PROX1: variants seen among roughly 807,000 people sequenced by gnomAD.
PROX1 encodes prospero homeobox protein 1.
A neutral mutation model predicts 58.8 loss-of-function variants in PROX1; 7 were observed. That is an observed-to-expected ratio of 0.12 (90% CI 0.07 to 0.22). The LOEUF (loss-of-function observed/expected upper bound fraction) is 0.22. Among genes scored for constraint, PROX1 ranks in the 10% least tolerant of loss-of-function variants. PROX1 has a pLI of 1.00. For missense variants in PROX1, 675 were observed against 927.8 expected, an observed-to-expected ratio of 0.73 and a Z score of 3.54; for synonymous variants, 350 against 358.3, an observed-to-expected ratio of 0.98 and a Z score of 0.26.
rs182262846 is a variant in PROX1 at position 214,011,765 on chromosome 1, A to C, written c.2028+50A>C. ...GTCATCTCCCTTTTCCTTTTTTAAA[A>C]AATTTATTTTCTTTAGAAATGTACC... On this transcript the variant is annotated intron_variant, in intron 4 of 4. Coordinates refer to ENST00000366958, the MANE Select transcript of PROX1 (RefSeq NM_001270616.2). The C allele has an allele frequency of 3.4e-5, 50 of 1,460,912 alleles. No individual in the cohort carries two copies. In the East Asian group the frequency reaches 1.2e-3, roughly 34 times the overall value. 90.5% of individuals were successfully genotyped at this position (1,460,912 alleles called of 1,614,324 possible).
chr1:214,021,052 G>A (rs536584684), intron 4 of PROX1, among the ~76,000 whole-genome samples: 6 of 152,304 alleles, frequency 3.9e-5, no homozygotes, highest in Admixed American at 6.5e-5. Flanking sequence ...GTCAGATCAG[G>A]CGGGTGGGCT....
intron 2 of PROX1, among the ~76,000 whole-genome samples, chr1:214,002,366 T>C (rs1266964122): frequency 6.6e-6 from 1 of 152,068 alleles, no homozygotes; most frequent in Non-Finnish European, 1.5e-5. Flanking sequence ...CAGATGTCTT[T>C]CATTAATTTA....
intron 4 of PROX1, among the ~76,000 whole-genome samples, chr1:214,015,284 A>AG (rs1414670122): frequency 6.6e-6 from 1 of 151,922 alleles, no homozygotes; most frequent in African/African-American, 2.4e-5. Flanking sequence ...CACGCAGGAG[A>AG]GGGGTGTGTA....
intron 4 of PROX1, among the ~76,000 whole-genome samples, chr1:214,032,260 C>T (rs770519235): frequency 4.6e-5 from 7 of 152,288 alleles, no homozygotes; most frequent in Non-Finnish European, 1.0e-4. Context: ...AGACACCTTA[C>T]CTCACAGTAA....
At chr1:214,001,473 AG>A (rs1663508612) in intron 2 of PROX1, among the ~76,000 whole-genome samples, 1 of 152,204 alleles carries the variant, frequency 6.6e-6, no homozygotes, top group Non-Finnish European at 1.5e-5. Context: ...AAAATAGCCT[AG>A]TTTAGGCCCC....
chr1:214,005,409 C>A (rs1663672366), intron 3 of PROX1, 137 bp downstream of exon 3: 3 of 685,544 alleles, frequency 4.4e-6, no homozygotes, highest in Non-Finnish European at 7.2e-6. Context: ...ATGCACTTGT[C>A]TTTTTGTCTA....
chr1:214,030,862 T>G (rs1043375678), intron 4 of PROX1: 4 of 152,408 alleles, frequency 2.6e-5, no homozygotes, highest in Admixed American at 1.3e-4. Context: ...GCCTGCTATG[T>G]CAGGCTTTTA....
At chr1:214,023,172 T>C (rs1664340128) in intron 4 of PROX1, among the ~76,000 whole-genome samples, 1 of 152,234 alleles carries the variant, frequency 6.6e-6, no homozygotes, top group African/African-American at 2.4e-5. Flanking sequence ...TTTGTTGCCT[T>C]GGCCAGGGTG....
Position 213,997,847 on chromosome 1 carries a change from G to C in PROX1, c.1312G>C (p.Ala438Pro). The C allele has an allele frequency of 6.2e-7, 1 of 1,614,044 alleles. No homozygotes were observed. Among genetic ancestry groups the C allele is most frequent in the Non-Finnish European group, 8.5e-7 (1 of 1,179,940 alleles). The change falls in exon 2 of 5, where the codon GCA becomes CCA. Residue 438 changes from alanine to proline, a missense_variant. By Grantham distance (27) the Ala-to-Pro change is conservative. Transcript: ENST00000366958. This position sits in a 1 kb window ranked among gnomAD's most constrained non-coding sequence, Gnocchi z 7.1. The stretch of plus-strand genomic sequence containing the variant: ...GGCCAGTTCCACTGACCAGACAGAA[G>C]CACTGCCCCTGGTTGTCCGCAAAAA... ...QMASSTDQTE[A>P]LPLVVRKNSS...
At position 213,998,215 on chromosome 1, in the gene PROX1, C is replaced by T. The variant is rs749068692; in HGVS notation, c.1680C>T (p.Gly560=). 108 of 1,600,680 alleles carry T rather than the reference C, an allele frequency of 6.7e-5. No individual in the cohort carries two copies. The highest frequency in any genetic ancestry group is 8.9e-5 in the Non-Finnish European group (105 of 1,173,748). The part of the protein sequence containing the change: ...LSLSLIKSEC[G]DLQDMSEISP... Reference sequence around the variant, plus strand: ...TGTCGCTCATAAAGTCCGAGTGCGGCGATCTTCAAGATATGTCTGAAATAT... The same window carrying T: ...TGTCGCTCATAAAGTCCGAGTGCGGTGATCTTCAAGATATGTCTGAAATAT... The change falls in exon 2 of 5, where the codon GGC becomes GGT. Residue 560 remains glycine (G), a synonymous_variant. Coordinates refer to ENST00000366958, the MANE Select transcript of PROX1 (RefSeq NM_001270616.2).
upstream of PROX1, chr1:213,987,406 C>T (rs1246592787): frequency 6.6e-6 from 1 of 151,048 alleles, no homozygotes; most frequent in Non-Finnish European, 1.5e-5. Flanking sequence ...CAGATCCCCC[C>T]CTCCCTCCTC....
rs1162025099 is a variant in PROX1 at position 214,037,051 on chromosome 1, A to G, written c.*1217A>G. 2 of 152,272 alleles carry G rather than the reference A, an allele frequency of 1.3e-5. No individual in the cohort carries two copies. The highest frequency in any genetic ancestry group is 4.8e-5 in the African/African-American group (2 of 41,478). 9.4% of individuals were successfully genotyped at this position (152,272 alleles called of 1,614,324 possible). ...CCAAAATGTGAGAAGAGTGTATAGC[A>G]TAGGAAAATTTGGGGTTAACCCAAA... On this transcript the variant is annotated 3_prime_UTR_variant, in exon 5 of 5. Transcript: ENST00000366958.
chr1:214,033,826 G>A (rs1443994653), intron 4 of PROX1, among the ~76,000 whole-genome samples: 1 of 152,174 alleles, frequency 6.6e-6, no homozygotes, highest in African/African-American at 2.4e-5. Flanking sequence ...ATGTGAGTGG[G>A]AGGGCTAAGC....
chr1:213,990,148 A>G (rs1392128821), intron 1 of PROX1, among the ~76,000 whole-genome samples: 2 of 150,180 alleles, frequency 1.3e-5, no homozygotes, highest in African/African-American at 2.4e-5. Context: ...AAAAAAAAAA[A>G]AAGAAAGAAA....
At chr1:214,012,933 T>C (rs1468596057) in intron 4 of PROX1, among the ~76,000 whole-genome samples, 1 of 152,102 alleles carries the variant, frequency 6.6e-6, no homozygotes. Flanking sequence ...GCCCCCCTCC[T>C]TTTTTTCGGC....
In PROX1 at chr1:214,035,690, G is replaced by A. The variant is rs1189909537; in HGVS notation, c.2070G>A (p.Arg690=). ...TGGAAGTTGCTCAGATCACATTACG[G>A]GAGTTTTTCAATGCCATTATCGCAG... is the stretch of plus-strand genomic sequence containing the variant. ...RFLEVAQITL[R]EFFNAIIAGK... The change falls in exon 5 of 5, where the codon CGG becomes CGA. Residue 690 remains arginine (R), a synonymous_variant. Transcript: ENST00000366958. 2 of 1,613,894 alleles carry A rather than the reference G, an allele frequency of 1.2e-6. No individual in the cohort carries two copies. Among genetic ancestry groups the A allele is most frequent in the Non-Finnish European group, 1.7e-6 (2 of 1,179,868 alleles).
chr1:213,999,903 C>G (rs1230861839), intron 2 of PROX1, among the ~76,000 whole-genome samples: 1 of 152,054 alleles, frequency 6.6e-6, no homozygotes, highest in Non-Finnish European at 1.5e-5. Flanking sequence ...TTTTTGTGCC[C>G]TTTGCAAAAA....
Position 213,998,134 on chromosome 1 carries a change from G to A in PROX1, c.1599G>A (p.Leu533=), listed in dbSNP as rs1663352654. The stretch of plus-strand genomic sequence containing the variant: ...GGACCAAGATGTCATCTCACCACCT[G>A]AGCCACCACCCTTGTTCACCAGCAC... ...SLRTKMSSHH[L]SHHPCSPAHP... Residue 533 remains leucine, a synonymous_variant, in exon 2 of 5, where the codon CTG becomes CTA. Transcript: ENST00000366958. The A allele has an allele frequency of 6.2e-7, 1 of 1,614,054 alleles. No individual in the cohort carries two copies. The highest frequency in any genetic ancestry group is 8.5e-7 in the Non-Finnish European group (1 of 1,180,032).
At position 213,990,223 on chromosome 1, in the gene PROX1, G is replaced by A. The variant is rs530337010; in HGVS notation, c.-68+1740G>A. ...AGGCAGAAATCTATTAGCAGAGTGCGCATGGGCAGGGCCTGACAGGTGTGT... is the reference window on the plus strand; with the variant it reads ...AGGCAGAAATCTATTAGCAGAGTGCACATGGGCAGGGCCTGACAGGTGTGT... On this transcript the variant is annotated intron_variant, in intron 1 of 4. Coordinates refer to ENST00000366958, the MANE Select transcript of PROX1 (RefSeq NM_001270616.2). 1.1e-4 allele frequency among the ~76,000 whole-genome samples: 17 copies of A among 151,662 alleles called. 2 individuals carry two copies. In the East Asian group the frequency reaches 1.9e-3, roughly 17 times the overall value.
Sources: allele counts gnomAD v4.1 joint callset (sites outside exome capture counted in the v4.1 genomes callset), GRCh38; gene constraint gnomAD v4.1.1; non-coding constraint Gnocchi (gnomAD v3.1); transcripts MANE v1.5; gene names NCBI Gene and HGNC (gene_info 2026-07-23, HGNC 2026-07-21).